SNX24: variants seen among roughly 807,000 people sequenced by gnomAD.
The protein encoded by SNX24 is sorting nexin-24.
A neutral mutation model predicts 28.7 loss-of-function variants in SNX24; 22 were observed. That is an observed-to-expected ratio of 0.77 (90% CI 0.55 to 1.10). SNX24 has a LOEUF of 1.10. SNX24 is among the 50% of genes least tolerant of loss of function. SNX24 has a pLI of 0.00. For missense variants in SNX24, 221 were observed against 201.1 expected, an observed-to-expected ratio of 1.10 and a Z score of -0.60; for synonymous variants, 69 against 71.5, an observed-to-expected ratio of 0.96 and a Z score of 0.18.
At chr5:122,972,760 C>T (rs1264303278) in intron 3 of SNX24, among the ~76,000 whole-genome samples, 1 of 152,174 alleles carries the variant, frequency 6.6e-6, no homozygotes, top group African/African-American at 2.4e-5. Flanking sequence ...TAAGGACAAA[C>T]CTCTGCCTTT....
chr5:122,896,718 T>G (rs529614997), intron 1 of SNX24, among the ~76,000 whole-genome samples: 47 of 152,344 alleles, frequency 3.1e-4, no homozygotes, highest in Middle Eastern at 3.4e-3. Context: ...AAAAGTCTTA[T>G]AAGTCTTGCC....
chr5:123,012,104 G>A (rs1282605163), downstream of SNX24, among the ~76,000 whole-genome samples: 1 of 152,144 alleles, frequency 6.6e-6, no homozygotes, highest in African/African-American at 2.4e-5. Flanking sequence ...ATCATGTGAA[G>A]AAGGATGTGT....
At chr5:122,974,027 C>T (rs1034300665) in intron 3 of SNX24, among the ~76,000 whole-genome samples, 9 of 152,206 alleles carry the variant, frequency 5.9e-5, no homozygotes, top group African/African-American at 2.2e-4. Context: ...TCGAAACTGG[C>T]AGCCTTTTGG....
intron 2 of SNX24, among the ~76,000 whole-genome samples, chr5:122,938,295 C>A (rs191377080): frequency 3.0e-4 from 45 of 152,220 alleles, no homozygotes; most frequent in Middle Eastern, 3.4e-3. Flanking sequence ...TTGGACAGTT[C>A]TTAGCTATTC....
chr5:122,890,393 A>T (rs1756916721), intron 1 of SNX24, among the ~76,000 whole-genome samples: 1 of 148,430 alleles, frequency 6.7e-6, no homozygotes, highest in Non-Finnish European at 1.5e-5. Context: ...CTAAGTTTTT[A>T]CTCTCTTGTT....
rs189960430 is a variant in SNX24, at chr5:122,997,132, A to G, written c.250-2780A>G. ...GATGACAGTCATTTGTACATAATAT[A>G]TTACATTAGGTAAATTCTTCTGTAT... On this transcript the variant is annotated intron_variant, in intron 3 of 6. Transcript: ENST00000261369. 3.7e-3 allele frequency among the ~76,000 whole-genome samples: 560 copies of G among 152,312 alleles called. 4 individuals carry two copies. The highest frequency in any genetic ancestry group is 0.012 in the African/African-American group (519 of 41,578).
In SNX24 at chr5:123,009,010, A is replaced by T; in HGVS notation, c.*1261A>T. ...AACTACATCATGGTTTTTGATTAGGATCTAAATATTCAGGTTTTAAGCCTG... is the reference window on the plus strand; with the variant it reads ...AACTACATCATGGTTTTTGATTAGGTTCTAAATATTCAGGTTTTAAGCCTG... On this transcript the variant is annotated 3_prime_UTR_variant, in exon 7 of 7. Transcript: ENST00000261369. 1 of 985,742 alleles carries T rather than the reference A, an allele frequency of 1.0e-6. No homozygotes were observed. The highest frequency in any genetic ancestry group is 1.2e-6 in the Non-Finnish European group (1 of 829,832). 61.1% of individuals were successfully genotyped at this position (985,742 alleles called of 1,614,324 possible).
At chr5:123,004,021 T>G (rs1348300755) in intron 6 of SNX24, among the ~76,000 whole-genome samples, 1 of 152,216 alleles carries the variant, frequency 6.6e-6, no homozygotes, top group South Asian at 2.1e-4. Context: ...AGAGAAACTT[T>G]ACTTGCATCA....
intron 1 of SNX24, among the ~76,000 whole-genome samples, chr5:122,917,255 C>CAA (rs57417496): frequency 5.0e-5 from 4 of 79,660 alleles, no homozygotes; most frequent in African/African-American, 8.6e-5. Context: ...GACTTCATCT[C>CAA]AAAAAAAAAA....
chr5:122,909,289 T>C (rs1416747252), intron 1 of SNX24, among the ~76,000 whole-genome samples: 1 of 152,222 alleles, frequency 6.6e-6, no homozygotes, highest in Non-Finnish European at 1.5e-5. Context: ...CACTTAGACA[T>C]AGTACCTATT....
chr5:123,016,684 G>A (rs771086042), intron 5 of SNX24, among the ~76,000 whole-genome samples: 15 of 152,074 alleles, frequency 9.9e-5, no homozygotes, highest in South Asian at 2.1e-4. Flanking sequence ...GTATTGCAGC[G>A]CTATAAGTGA....
intron 1 of SNX24, among the ~76,000 whole-genome samples, chr5:122,893,019 G>A (rs1366030658): frequency 4.0e-5 from 6 of 151,844 alleles, no homozygotes; most frequent in Non-Finnish European, 8.8e-5. Flanking sequence ...ACCCACCTCG[G>A]CCTCCCAAAG....
intron 1 of SNX24, among the ~76,000 whole-genome samples, chr5:122,872,000 A>G (rs1756003595): frequency 6.6e-6 from 1 of 151,800 alleles, no homozygotes; most frequent in Admixed American, 6.6e-5. Flanking sequence ...AAGGATCATC[A>G]TACCAGGCAC....
chr5:122,915,079 T>A (rs1758101700), intron 1 of SNX24, among the ~76,000 whole-genome samples: 1 of 152,180 alleles, frequency 6.6e-6, no homozygotes, highest in Non-Finnish European at 1.5e-5. Flanking sequence ...CTTTGGAATA[T>A]TTGCATTATA....
chr5:122,963,199 A>C (rs964668465), intron 3 of SNX24, among the ~76,000 whole-genome samples: 1 of 152,126 alleles, frequency 6.6e-6, no homozygotes, highest in Admixed American at 6.5e-5. Flanking sequence ...GTGCCACTGC[A>C]CTCCAGCCTG....
intron 3 of SNX24, among the ~76,000 whole-genome samples, chr5:122,973,287 A>T (rs1761033071): frequency 6.6e-6 from 1 of 152,126 alleles, no homozygotes; most frequent in Non-Finnish European, 1.5e-5. Context: ...CACACATCAG[A>T]CCATTTCTCC....
chr5:123,019,192 C>T (rs1762728534), intron 5 of SNX24, among the ~76,000 whole-genome samples: 1 of 151,910 alleles, frequency 6.6e-6, no homozygotes, highest in Non-Finnish European at 1.5e-5. Flanking sequence ...AATCTTAAAT[C>T]CACAGGATGA....
intron 5 of SNX24, chr5:123,022,324 T>G (rs527553842): frequency 7.2e-5 from 11 of 152,364 alleles, no homozygotes; most frequent in African/African-American, 2.6e-4. Flanking sequence ...CTCGGTGAGA[T>G]GGATCCTCAC....
At chr5:122,900,817 T>C (rs1204990697) in intron 1 of SNX24, among the ~76,000 whole-genome samples, 2 of 151,828 alleles carry the variant, frequency 1.3e-5, no homozygotes, top group East Asian at 3.9e-4. Flanking sequence ...GGATAAAATG[T>C]TTTTAAAGAC....
Sources: allele counts gnomAD v4.1 joint callset (sites outside exome capture counted in the v4.1 genomes callset), GRCh38; gene constraint gnomAD v4.1.1; transcripts MANE v1.5; gene names NCBI Gene and HGNC (gene_info 2026-07-23, HGNC 2026-07-21).